ADGRV1: variants seen among roughly 807,000 people sequenced by gnomAD.
ADGRV1 encodes adhesion G protein-coupled receptor V1.
Under a neutral mutation model 596.2 loss-of-function variants are expected in ADGRV1, and 359 were observed. The ratio of observed to expected loss-of-function variants is 0.60; its 90% CI spans 0.55 to 0.66. ADGRV1 has a LOEUF of 0.66. Ranked by LOEUF, ADGRV1 falls within the 30% of genes least tolerant of loss-of-function variation. ADGRV1 has a pLI of 0.00. For synonymous variants in ADGRV1, 2,681 were observed against 2,679.2 expected, an observed-to-expected ratio of 1.00 and a Z score of -0.02; for missense variants, 7,274 against 7,575.6, an observed-to-expected ratio of 0.96 and a Z score of 1.48.
chr5:90,892,613 A>G (rs1770929502), intron 83 of ADGRV1, among the ~76,000 whole-genome samples: 1 of 152,254 alleles, frequency 6.6e-6, no homozygotes. Context: ...CAATCAAGGT[A>G]ATGAGGATAC....
Position 90,777,906 on chromosome 5 carries a change from C to G in ADGRV1, c.12529C>G (p.Leu4177Val). The G allele has an allele frequency of 6.2e-7, 1 of 1,608,674 alleles. No individual in the cohort carries two copies. Among genetic ancestry groups the G allele is most frequent in the Non-Finnish European group, 8.5e-7 (1 of 1,176,164 alleles). Residue 4177 changes from leucine to valine, a missense_variant and splice_region_variant, in exon 62 of 90, where the codon CTT becomes GTT. By Grantham distance (32) the Leu-to-Val change is conservative. Around this residue, in one of 5 missense-constraint regions of ADGRV1, gnomAD observed 3,643 missense variants for 3,809.2 expected, o/e 0.96. Transcript: ENST00000405460. ...AKYNGTAIIS[L>V]VRGPGILGEV... is the part of the protein sequence containing the mutation. ...ATATACATTTGTTTATTGTTGTAGCCTTGTTCGAGGCCCAGGGATTTTGGG... is the reference window on the plus strand; with the variant it reads ...ATATACATTTGTTTATTGTTGTAGCGTTGTTCGAGGCCCAGGGATTTTGGG...
chr5:91,110,787 G>A (rs1792294604), intron 87 of ADGRV1, among the ~76,000 whole-genome samples: 1 of 152,134 alleles, frequency 6.6e-6, no homozygotes, highest in African/African-American at 2.4e-5. Flanking sequence ...GCTTAACCTG[G>A]CAAGTGAGCA....
chr5:90,661,838 T>G, intron 21 of ADGRV1, among the ~76,000 whole-genome samples: 1 of 152,166 alleles, frequency 6.6e-6, no homozygotes, highest in East Asian at 1.9e-4. Flanking sequence ...ATTTTAATAT[T>G]AGAAAAAAGG....
chr5:90,654,748 G>A (rs903455738), intron 20 of ADGRV1: 2 of 151,868 alleles, frequency 1.3e-5, no homozygotes, highest in Non-Finnish European at 2.9e-5. Flanking sequence ...TTTTCCCAGA[G>A]GGGGAAAAAA....
rs70973717 is a variant in ADGRV1 at position 90,954,169 on chromosome 5, CTT to C, written c.17857-11230_17857-11229del. On this transcript the variant is annotated intron_variant, in intron 83 of 89. Coordinates refer to ENST00000405460, the MANE Select transcript of ADGRV1 (RefSeq NM_032119.4). Reference sequence around the variant, plus strand: ...TATTGGGCTGCTTTTCCCAGCCTTGCTTTTTTTTTTTTTTTTTAACATCCTAT... The same window carrying C: ...TATTGGGCTGCTTTTCCCAGCCTTGCTTTTTTTTTTTTTTTAACATCCTAT... Among the ~76,000 whole-genome samples the C allele has an allele frequency of 2.0e-3, 275 of 138,406 alleles. No individual in the cohort carries two copies. The East Asian group carries it at 0.024, about 12-fold the overall frequency. The allele number at this position is 138,406 out of a possible 152,430, so 90.8% of individuals were successfully genotyped here. A position where few individuals can be genotyped will look rare whatever the true frequency, so the allele number is the denominator to read the frequency against.
intron 1 of ADGRV1, among the ~76,000 whole-genome samples, chr5:90,592,283 A>T (rs1191592121): frequency 2.0e-5 from 3 of 152,252 alleles, no homozygotes; most frequent in African/African-American, 7.2e-5. Flanking sequence ...ACTCAGCCAT[A>T]AAAAGGAATG....
At chr5:90,962,639 C>A (rs1370739156) in intron 83 of ADGRV1, among the ~76,000 whole-genome samples, 1 of 152,048 alleles carries the variant, frequency 6.6e-6, no homozygotes, top group African/African-American at 2.4e-5. Context: ...CCTAGTTCTC[C>A]AAGTATTTTT....
At chr5:90,980,640 G>T (rs748494885) in intron 84 of ADGRV1, among the ~76,000 whole-genome samples, 1 of 152,142 alleles carries the variant, frequency 6.6e-6, no homozygotes, top group South Asian at 2.1e-4. Context: ...AGCAGAAAAC[G>T]TGTAAGATAA....
intron 85 of ADGRV1, among the ~76,000 whole-genome samples, chr5:91,068,165 G>A (rs1562171924): frequency 1.3e-5 from 2 of 151,980 alleles, no homozygotes; most frequent in African/African-American, 4.8e-5. Flanking sequence ...ATTAGAAATA[G>A]TATCTGAGTG....
rs189956663 is a variant in ADGRV1, at chr5:90,871,830, A to G, written c.17856+7973A>G. Reference sequence around the variant, plus strand: ...GTGTCTCAGTTTTGGAATTAGAGAGACTGATGGGGTAACATCTGTCAACTA... The same window carrying G: ...GTGTCTCAGTTTTGGAATTAGAGAGGCTGATGGGGTAACATCTGTCAACTA... On this transcript the variant is annotated intron_variant, in intron 83 of 89. Coordinates refer to ENST00000405460, the MANE Select transcript of ADGRV1 (RefSeq NM_032119.4). 2.9e-3 allele frequency among the ~76,000 whole-genome samples: 443 copies of G among 152,324 alleles called. 4 individuals carry two copies. Among genetic ancestry groups the G allele is most frequent in the African/African-American group, 9.8e-3 (407 of 41,592 alleles).
intron 73 of ADGRV1, among the ~76,000 whole-genome samples, chr5:90,809,706 G>GA (rs1762262605): frequency 6.6e-6 from 1 of 152,180 alleles, no homozygotes; most frequent in African/African-American, 2.4e-5. Flanking sequence ...AAATCTATAG[G>GA]AAAAAAACTA....
At chr5:90,561,196 A>C (rs1417476354) in intron 1 of ADGRV1, among the ~76,000 whole-genome samples, 1 of 152,198 alleles carries the variant, frequency 6.6e-6, no homozygotes, top group Non-Finnish European at 1.5e-5. Flanking sequence ...CCACAAAAAA[A>C]TACTTTTTAT....
intron 67 of ADGRV1, among the ~76,000 whole-genome samples, chr5:90,786,522 A>G (rs968739872): frequency 6.6e-6 from 1 of 152,228 alleles, no homozygotes; most frequent in African/African-American, 2.4e-5. Context: ...AGGAAAATGG[A>G]TTCAAGAAGC....
At chr5:90,584,561 TG>T (rs1249559335) in intron 1 of ADGRV1, among the ~76,000 whole-genome samples, 1 of 152,210 alleles carries the variant, frequency 6.6e-6, no homozygotes, top group Non-Finnish European at 1.5e-5. Context: ...GCAGCCCACC[TG>T]GGGCTGGAGT....
chr5:91,058,585 T>A (rs866622311), intron 85 of ADGRV1, among the ~76,000 whole-genome samples: 51 of 152,080 alleles, frequency 3.4e-4, no homozygotes, highest in African/African-American at 1.2e-3. Context: ...AATAGTCAAT[T>A]TACTGCTGCT....
At chr5:91,067,603 A>C (rs1055313171) in intron 85 of ADGRV1, among the ~76,000 whole-genome samples, 1 of 152,188 alleles carries the variant, frequency 6.6e-6, no homozygotes, top group Non-Finnish European at 1.5e-5. Context: ...TCACCTTTCA[A>C]AGTCTGCTCT....
At chr5:90,977,437 C>A (rs983858741) in intron 84 of ADGRV1, among the ~76,000 whole-genome samples, 1 of 152,192 alleles carries the variant, frequency 6.6e-6, no homozygotes, top group African/African-American at 2.4e-5. Context: ...TATTAAACAA[C>A]AGTCAGGATA....
intron 1 of ADGRV1, among the ~76,000 whole-genome samples, chr5:90,577,726 T>C (rs1757421668): frequency 6.6e-6 from 1 of 152,174 alleles, no homozygotes; most frequent in African/African-American, 2.4e-5. Flanking sequence ...CATTTTCATG[T>C]TATTGATTCT....
chr5:90,886,403 G>A, intron 83 of ADGRV1, among the ~76,000 whole-genome samples: 1 of 152,060 alleles, frequency 6.6e-6, no homozygotes, highest in Non-Finnish European at 1.5e-5. Flanking sequence ...AAAGTACTGG[G>A]ATGAGACATG....
Sources: gnomAD v4.1 joint callset for allele counts (sites outside exome capture counted in the v4.1 genomes callset) on GRCh38, gnomAD v4.1.1 for gene constraint, gnomAD v4.1.1 regional missense constraint, MANE v1.5 for transcripts, NCBI Gene and HGNC (gene_info 2026-07-23, HGNC 2026-07-21) for gene names.